Variants in TSHZ2 observed in about 807,000 individuals in gnomAD.
TSHZ2 encodes the protein teashirt homolog 2.
TSHZ2 carries 21 observed loss-of-function variants against 74.4 expected under a neutral mutation model. That is an observed-to-expected ratio of 0.28 (90% CI 0.20 to 0.41). The LOEUF is 0.41. TSHZ2 is among the 10% of genes least tolerant of loss of function. The pLI, the probability that TSHZ2 is intolerant of heterozygous loss-of-function variation, is 1.00. For synonymous variants in TSHZ2, 540 were observed against 515.3 expected (o/e 1.05, Z -0.65); for missense variants, 1,244 against 1,293.5 (o/e 0.96, Z 0.59).
At chr20:53,035,689 C>T (rs1983792526) in intron 1 of TSHZ2, among the ~76,000 whole-genome samples, 2 of 152,312 alleles carry the variant, frequency 1.3e-5, no homozygotes, top group East Asian at 3.9e-4. Context: ...ATAACAGTCC[C>T]TACTCTCAGG....
At chr20:53,332,461 G>A (rs1330731374) in intron 2 of TSHZ2, among the ~76,000 whole-genome samples, 3 of 152,182 alleles carry the variant, frequency 2.0e-5, no homozygotes, top group Non-Finnish European at 2.9e-5. Context: ...CTGATCACAC[G>A]AGGCCCTGTG....
intron 1 of TSHZ2, among the ~76,000 whole-genome samples, chr20:53,229,490 A>C (rs951422575): frequency 1.3e-5 from 2 of 152,232 alleles, no homozygotes; most frequent in Non-Finnish European, 2.9e-5. Context: ...GTATTTAATT[A>C]ATATCAGCCT....
chr20:53,342,344 C>T (rs543445385), intron 2 of TSHZ2, among the ~76,000 whole-genome samples: 6 of 140,484 alleles, frequency 4.3e-5, no homozygotes, highest in Admixed American at 3.7e-4. Flanking sequence ...TGTTTTAAGG[C>T]GTACTGGTCA....
chr20:53,089,284 T>G (rs1046078442), intron 1 of TSHZ2, among the ~76,000 whole-genome samples: 2 of 151,152 alleles, frequency 1.3e-5, no homozygotes, highest in Non-Finnish European at 2.9e-5. Context: ...GTGAACTTGT[T>G]TAACCCAGCA....
At chr20:53,079,044 A>T (rs1376688966) in intron 1 of TSHZ2, among the ~76,000 whole-genome samples, 2 of 152,216 alleles carry the variant, frequency 1.3e-5, no homozygotes, top group African/African-American at 4.8e-5. Flanking sequence ...GAGAAAGGCC[A>T]ATATCCAACA....
rs781117612 is a variant in TSHZ2 at position 53,254,492 on chromosome 20, C to T, written c.1034C>T (p.Ser345Phe). 1 of 1,613,966 alleles carries T rather than the reference C, an allele frequency of 6.2e-7. No homozygotes were observed. The highest frequency in any genetic ancestry group is 1.1e-5 in the South Asian group (1 of 91,082). Reference sequence around the variant, plus strand: ...ACAGGATCTTTTGCAGATTCTTTTTCTTCTCAGAAGAACGCCAACTTGCAG... The same window carrying T: ...ACAGGATCTTTTGCAGATTCTTTTTTTTCTCAGAAGAACGCCAACTTGCAG... ...STTGSFADSF[S>F]SQKNANLQLS... Residue 345 changes from serine to phenylalanine, a missense_variant, in exon 2 of 3, where the codon TCT becomes TTT. Around this residue, in one of 6 missense-constraint regions of TSHZ2, gnomAD observed 470 missense variants for 456.5 expected, o/e 1.03. Coordinates refer to ENST00000371497, the MANE Select transcript of TSHZ2 (RefSeq NM_173485.6).
chr20:53,255,370 G>A lies in TSHZ2; in HGVS notation c.1912G>A (p.Glu638Lys), dbSNP rs1990444928. Residue 638 changes from glutamate to lysine, a missense_variant, in exon 2 of 3, where the codon GAA (glutamate) becomes AAA (lysine). By Grantham distance (56) the Glu-to-Lys change is moderately conservative. Around this residue, in one of 6 missense-constraint regions of TSHZ2, gnomAD observed 562 missense variants for 544.0 expected, o/e 1.03. Coordinates refer to ENST00000371497, the MANE Select transcript of TSHZ2 (RefSeq NM_173485.6). The surrounding 1 kb of genome is among the most constrained non-coding windows in gnomAD (Gnocchi z 4.1). ...HSEGDSFRKSETPPEAKKTEL... is the reference protein window; with the variant it reads ...HSEGDSFRKSKTPPEAKKTEL... ...TGAGGGCGATTCTTTCCGCAAAAGT[G>A]AAACACCTCCAGAAGCCAAAAAGAC... is the stretch of plus-strand genomic sequence containing the variant. The A allele has an allele frequency of 6.2e-7, 1 of 1,613,958 alleles. No individual in the cohort carries two copies. Among genetic ancestry groups the A allele is most frequent in the Non-Finnish European group, 8.5e-7 (1 of 1,180,004 alleles).
chr20:53,149,595 T>C (rs1987627431), intron 1 of TSHZ2, among the ~76,000 whole-genome samples: 1 of 152,170 alleles, frequency 6.6e-6, no homozygotes, highest in Non-Finnish European at 1.5e-5. Flanking sequence ...TCCGCTCAGC[T>C]CATGGTGCCA....
At chr20:52,979,735 G>T (rs552286028) in intron 1 of TSHZ2, among the ~76,000 whole-genome samples, 1 of 152,228 alleles carries the variant, frequency 6.6e-6, no homozygotes, top group Admixed American at 6.5e-5. Context: ...CAAATATTCT[G>T]GGATGCTAAA....
At chr20:53,319,696 T>C (rs1276851146) in intron 2 of TSHZ2, among the ~76,000 whole-genome samples, 1 of 152,242 alleles carries the variant, frequency 6.6e-6, no homozygotes, top group East Asian at 1.9e-4. Flanking sequence ...ACTTACTGCT[T>C]CATGCACTTA....
rs562818465 is a variant in TSHZ2 at position 53,165,068 on chromosome 20, G to A, written c.41-88431G>A. On this transcript the variant is annotated intron_variant, in intron 1 of 2. Coordinates refer to ENST00000371497, the MANE Select transcript of TSHZ2 (RefSeq NM_173485.6). Reference sequence around the variant, plus strand: ...TCACAGAGGCTGGCATGAATGAGTCGATGGATAGATGAGTGGATGGAAGGG... The same window carrying A: ...TCACAGAGGCTGGCATGAATGAGTCAATGGATAGATGAGTGGATGGAAGGG... Among the ~76,000 whole-genome samples, 37 of 152,230 alleles carry A rather than the reference G, an allele frequency of 2.4e-4. No individual in the cohort carries two copies. The East Asian group carries it at 2.7e-3, about 11-fold the overall frequency.
At chr20:53,276,281 C>T (rs953097174) in intron 2 of TSHZ2, among the ~76,000 whole-genome samples, 2 of 150,392 alleles carry the variant, frequency 1.3e-5, no homozygotes, top group Non-Finnish European at 2.9e-5. Flanking sequence ...TAGGTGGAAA[C>T]TTCCTTGGAA....
At chr20:53,221,240 C>T (rs1989549174) in intron 1 of TSHZ2, among the ~76,000 whole-genome samples, 2 of 152,110 alleles carry the variant, frequency 1.3e-5, no homozygotes, top group South Asian at 4.1e-4. Flanking sequence ...CCATGTAGAA[C>T]TGTGAGTCCA....
At chr20:53,439,490 T>A (rs111636790) in intron 2 of TSHZ2, among the ~76,000 whole-genome samples, 12 of 152,350 alleles carry the variant, frequency 7.9e-5, no homozygotes, top group African/African-American at 2.6e-4. Context: ...TTCTTTGTTA[T>A]TAAAAGCAGG....
At chr20:53,309,046 C>T (rs1430125476) in intron 2 of TSHZ2, among the ~76,000 whole-genome samples, 5 of 152,202 alleles carry the variant, frequency 3.3e-5, no homozygotes, top group Non-Finnish European at 5.9e-5. Context: ...AAGGTTTGTT[C>T]GCCAACAGGC....
rs549838751 is a variant in TSHZ2, at chr20:53,200,841, T to A, written c.41-52658T>A. ...AAGTACATACTAAAATATTTATGAA[T>A]AAGAGGATATGAAGTCAGAGATTTG... On this transcript the variant is annotated intron_variant, in intron 1 of 2. Coordinates refer to ENST00000371497, the MANE Select transcript of TSHZ2 (RefSeq NM_173485.6). Among the ~76,000 whole-genome samples, 15 of 152,248 alleles carry A rather than the reference T, an allele frequency of 9.9e-5. No individual in the cohort carries two copies. The East Asian group carries it at 2.9e-3, about 29-fold the overall frequency.
chr20:53,298,918 A>G (rs1991430060), intron 2 of TSHZ2, among the ~76,000 whole-genome samples: 1 of 152,216 alleles, frequency 6.6e-6, no homozygotes, highest in Non-Finnish European at 1.5e-5. Flanking sequence ...CTGGTAAAAT[A>G]TGAAGTGCCT....
chr20:53,473,925 A>C (rs1985909888), intron 2 of TSHZ2, among the ~76,000 whole-genome samples: 1 of 152,084 alleles, frequency 6.6e-6, no homozygotes, highest in Non-Finnish European at 1.5e-5. Flanking sequence ...AGATGAAATG[A>C]ATGAAATGAA....
intron 1 of TSHZ2, among the ~76,000 whole-genome samples, chr20:53,094,552 C>T (rs1343181797): frequency 6.6e-6 from 1 of 152,114 alleles, no homozygotes; most frequent in African/African-American, 2.4e-5. Context: ...TTGGGAAGTG[C>T]GATTTTCAAA....
Sources: allele counts gnomAD v4.1 joint callset (sites outside exome capture counted in the v4.1 genomes callset), GRCh38; gene constraint gnomAD v4.1.1; regional missense constraint gnomAD v4.1.1; non-coding constraint Gnocchi (gnomAD v3.1); transcripts MANE v1.5; gene names NCBI Gene and HGNC (gene_info 2026-07-23, HGNC 2026-07-21).